SF3B1: variants seen among roughly 807,000 people sequenced by gnomAD.
SF3B1 encodes the protein splicing factor 3b subunit 1.
A neutral mutation model predicts 153.8 loss-of-function variants in SF3B1; 12 were observed. The ratio of observed to expected loss-of-function variants is 0.08; its 90% CI spans 0.05 to 0.13. SF3B1 has a LOEUF of 0.13. SF3B1 is among the 10% of genes least tolerant of loss of function. The pLI is 1.00. For synonymous variants in SF3B1, 498 were observed against 525.2 expected, an observed-to-expected ratio of 0.95 and a Z score of 0.71; for missense variants, 513 against 1,606.1, an observed-to-expected ratio of 0.32 and a Z score of 11.63.
chr2:197,410,047 A>T lies in SF3B1; in HGVS notation c.667-40T>A, dbSNP rs769012023. 4 of 1,280,096 alleles carry T rather than the reference A, an allele frequency of 3.1e-6. No homozygotes were observed. In the Admixed American group the frequency reaches 6.5e-5, roughly 21 times the overall value. The allele number at this position is 1,280,096 out of a possible 1,614,324, so 79.3% of individuals were successfully genotyped here. ...AAAATTTTATTTCACACACCCACAC[A>T]GAAATAATTAGAAAATTTCCATAAA... is the stretch of plus-strand genomic sequence containing the variant. On this transcript the variant is annotated intron_variant, in intron 6 of 24. Coordinates refer to ENST00000335508, the MANE Select transcript of SF3B1 (RefSeq NM_012433.4).
chr2:197,416,695 G>A, intron 6 of SF3B1, 46 bp downstream of exon 6: 4 of 1,570,638 alleles, frequency 2.5e-6, no homozygotes, highest in Non-Finnish European at 2.6e-6. Flanking sequence ...GTCCATAACA[G>A]AAAAAAATTT....
chr2:197,420,351 A>G (rs746349938), intron 4 of SF3B1, 77 bp downstream of exon 4: 1 of 1,090,834 alleles, frequency 9.2e-7, no homozygotes. Flanking sequence ...GAAGCATGCC[A>G]AAAAAAATCA....
At chr2:197,412,696 G>C (rs1487865058) in intron 6 of SF3B1, among the ~76,000 whole-genome samples, 1 of 150,742 alleles carries the variant, frequency 6.6e-6, no homozygotes, top group Non-Finnish European at 1.5e-5. Context: ...CAGCATATCA[G>C]CTCTCATGCC....
rs907262517 is a variant in SF3B1 at position 197,400,972 on chromosome 2, T to C, written c.2497-36A>G. 3 of 1,357,798 alleles carry C rather than the reference T, an allele frequency of 2.2e-6. No individual in the cohort carries two copies. Among genetic ancestry groups the C allele is most frequent in the South Asian group, 1.2e-5 (1 of 81,332 alleles). The allele number at this position is 1,357,798 out of a possible 1,614,324, so 84.1% of individuals were successfully genotyped here. A position where few individuals can be genotyped will look rare whatever the true frequency, so the allele number is the denominator to read the frequency against. ...CAGAAAAACAAAAAACCTTTTAGAC[T>C]GCTTTTCCAAGGAAATAAAGCAACA... On this transcript the variant is annotated intron_variant, in intron 17 of 24. Transcript: ENST00000335508. The surrounding 1 kb of genome is among the most constrained non-coding windows in gnomAD (Gnocchi z 5.0).
intron 11 of SF3B1, chr2:197,404,641 A>T (rs1034179171): frequency 4.6e-5 from 7 of 152,288 alleles, no homozygotes; most frequent in African/African-American, 1.4e-4. Flanking sequence ...ACACTACATA[A>T]ATTTTTTCCC....
chr2:197,414,395 A>C (rs1316887252), intron 6 of SF3B1, among the ~76,000 whole-genome samples: 1 of 152,146 alleles, frequency 6.6e-6, no homozygotes, highest in Non-Finnish European at 1.5e-5. Context: ...AAGACTCAGC[A>C]CTACTATAAC....
chr2:197,419,555 C>A (rs1424318838), intron 4 of SF3B1: 1 of 221,522 alleles, frequency 4.5e-6, no homozygotes, highest in Admixed American at 5.7e-5. Context: ...ATAAGACTTC[C>A]TTTGGAATAC....
intron 5 of SF3B1, 122 bp from the exon 6 acceptor site, chr2:197,417,033 G>A (rs765836795): frequency 3.8e-5 from 36 of 935,418 alleles, no homozygotes; most frequent in Non-Finnish European, 5.3e-5. Flanking sequence ...CTATGTACTG[G>A]TGATCTCCTT....
chr2:197,415,981 ATTT>A (rs35479143), intron 6 of SF3B1, among the ~76,000 whole-genome samples: 4 of 136,408 alleles, frequency 2.9e-5, no homozygotes, highest in South Asian at 2.3e-4. Context: ...TGCCCAGCTA[ATTT>A]TTTTTTTTTT....
chr2:197,418,824 A>C, intron 4 of SF3B1: 1 of 1,509,496 alleles, frequency 6.6e-7, no homozygotes, highest in Non-Finnish European at 8.8e-7. Context: ...ATGCATATAA[A>C]AACAAAATGA....
At chr2:197,398,412 A>C (rs763240097) in intron 21 of SF3B1, 49 bp downstream of exon 21, 37 of 1,606,936 alleles carry the variant, frequency 2.3e-5, no homozygotes, top group Non-Finnish European at 3.1e-5. Context: ...AAAGTGGCCA[A>C]ATTTGAAAAT....
At position 197,429,711 on chromosome 2, in the gene SF3B1, G is replaced by C. The variant is rs376662250; in HGVS notation, c.28+5261C>G. ...AGGCAGAAGTATCGCTTGAACCCGG[G>C]AGGCGGAGCTTGCAGTGAGCCGACA... On this transcript the variant is annotated intron_variant, in intron 1 of 24. Transcript: ENST00000335508. Among the ~76,000 whole-genome samples the C allele has an allele frequency of 3.9e-5, 6 of 152,016 alleles. No individual in the cohort carries two copies. The South Asian group carries it at 1.2e-3, about 32-fold the overall frequency.
chr2:197,411,402 G>C (rs921527905), intron 6 of SF3B1, among the ~76,000 whole-genome samples: 4 of 152,052 alleles, frequency 2.6e-5, no homozygotes, highest in Non-Finnish European at 5.9e-5. Context: ...GGCCGGGTGC[G>C]GTGGCTCACA....
At chr2:197,407,913 G>A (rs1559268482) in intron 9 of SF3B1, 85 bp downstream of exon 9, 2 of 1,264,124 alleles carry the variant, frequency 1.6e-6, no homozygotes, top group Admixed American at 1.9e-5. Flanking sequence ...TTTGGGCAAA[G>A]CCAATGCAAG....
chr2:197,393,295 T>A (rs1365440143), intron 23 of SF3B1, 107 bp from the exon 24 acceptor site: 8 of 725,588 alleles, frequency 1.1e-5, no homozygotes, highest in Middle Eastern at 4.7e-4. Flanking sequence ...ACCGGCCCAT[T>A]AGAAACTAAA....
chr2:197,404,980 G>A, intron 11 of SF3B1, 96 bp downstream of exon 11: 1 of 805,152 alleles, frequency 1.2e-6, no homozygotes, highest in East Asian at 2.7e-5. Flanking sequence ...ACCAGCCTGG[G>A]CAACATGGCA....
At position 197,391,345 on chromosome 2, in the gene SF3B1, C is replaced by A. The variant is rs926520035; in HGVS notation, c.*958G>T. 1.3e-5 allele frequency: 2 copies of A among 152,210 alleles called. No homozygotes were observed. Among genetic ancestry groups the A allele is most frequent in the African/African-American group, 4.8e-5 (2 of 41,462 alleles). 9.4% of individuals were successfully genotyped at this position (152,210 alleles called of 1,614,324 possible). A position where few individuals can be genotyped will look rare whatever the true frequency, so the allele number is the denominator to read the frequency against. ...TCTGTCACAAGGTTTGTCTCCCCTT[C>A]TCCATTATACTGTTCTTAAAGGTAG... On this transcript the variant is annotated 3_prime_UTR_variant, in exon 25 of 25. Transcript: ENST00000335508.
chr2:197,431,829 TA>T (rs1015695426), intron 1 of SF3B1, among the ~76,000 whole-genome samples: 7 of 152,050 alleles, frequency 4.6e-5, no homozygotes, highest in African/African-American at 1.4e-4. Context: ...TTAATTCTAT[TA>T]AAAAAAATTT....
intron 12 of SF3B1, 23 bp downstream of exon 12, chr2:197,403,562 A>T (rs2084957958): frequency 6.8e-7 from 1 of 1,480,238 alleles, no homozygotes; most frequent in African/African-American, 1.5e-5. Flanking sequence ...AAACTATCAG[A>T]AACACTATTA....
Sources: allele counts gnomAD v4.1 joint callset (sites outside exome capture counted in the v4.1 genomes callset), GRCh38; gene constraint gnomAD v4.1.1; non-coding constraint Gnocchi (gnomAD v3.1); transcripts MANE v1.5; gene names NCBI Gene and HGNC (gene_info 2026-07-23, HGNC 2026-07-21).